The following SORCS3 variants were observed in gnomAD, a reference collection of about 807,000 sequenced individuals.
SORCS3 encodes the protein VPS10 domain-containing receptor SorCS3.
A neutral mutation model predicts 146.3 loss-of-function variants in SORCS3; 57 were observed. The observed-to-expected ratio is 0.39, with a 90% CI of 0.31 to 0.49. The LOEUF (loss-of-function observed/expected upper bound fraction) is 0.49, where lower values mean the gene tolerates loss of function less well. Among genes scored for constraint, SORCS3 ranks in the 20% least tolerant of loss-of-function variants. The pLI is 0.92. For missense variants in SORCS3, 1,341 were observed against 1,575.5 expected (o/e 0.85, Z 2.52); for synonymous variants, 653 against 618.5 (o/e 1.06, Z -0.83).
intron 4 of SORCS3, among the ~76,000 whole-genome samples, chr10:105,014,561 A>G (rs965319136): frequency 2.6e-5 from 4 of 152,194 alleles, no homozygotes; most frequent in Non-Finnish European, 5.9e-5. Context: ...TATTTTGTAT[A>G]AAGAAATATT....
Position 105,061,314 on chromosome 10 carries a change from A to G in SORCS3, c.1028+18186A>G, listed in dbSNP as rs1472976241. On this transcript the variant is annotated intron_variant, in intron 5 of 26. Coordinates refer to ENST00000369701, the MANE Select transcript of SORCS3 (RefSeq NM_014978.3). ...GTGTTCCTTTTTTTTTTTTTTTTTG[A>G]GGTGGAGTCTCGCTCTGTCACCCAG... 6.9e-3 allele frequency among the ~76,000 whole-genome samples: 608 copies of G among 87,940 alleles called. 8 individuals carry two copies. Among genetic ancestry groups the G allele is most frequent in the African/African-American group, 0.024 (557 of 22,790 alleles). The allele number at this position is 87,940 out of a possible 152,430, so 57.7% of individuals were successfully genotyped here. A position where few individuals can be genotyped will look rare whatever the true frequency, so the allele number is the denominator to read the frequency against.
chr10:105,160,188 A>C (rs1185093026), intron 11 of SORCS3, among the ~76,000 whole-genome samples: 1 of 152,198 alleles, frequency 6.6e-6, no homozygotes, highest in Non-Finnish European at 1.5e-5. Context: ...ATAAAAGTTA[A>C]TATTATCTGA....
intron 1 of SORCS3, among the ~76,000 whole-genome samples, chr10:104,685,234 G>A (rs2016030745): frequency 3.3e-5 from 5 of 152,190 alleles, no homozygotes; most frequent in Admixed American, 3.3e-4. Flanking sequence ...CATTGTAGGA[G>A]CACAGAGGAA....
chr10:104,674,490 A>C (rs770795972), intron 1 of SORCS3, among the ~76,000 whole-genome samples: 2 of 152,258 alleles, frequency 1.3e-5, no homozygotes. Context: ...GGCAACAACC[A>C]ATGAAGAATT....
Position 105,200,071 on chromosome 10 carries a change from G to T in SORCS3, c.2082G>T (p.Arg694=), listed in dbSNP as rs755808403. The stretch of plus-strand genomic sequence containing the variant: ...TGGACTACAAATCTATCTTCAGCCG[G>T]CATTGCACCAAGGAGGACTATCAGA... ...VKVDYKSIFS[R]HCTKEDYQTW... is the part of the protein sequence containing the mutation. Residue 694 remains arginine (R), a synonymous_variant, in exon 15 of 27, where the codon CGG becomes CGT. Transcript: ENST00000369701. 1.9e-6 allele frequency: 3 copies of T among 1,613,542 alleles called. No homozygotes were observed. Among genetic ancestry groups the T allele is most frequent in the Admixed American group, 1.7e-5 (1 of 59,968 alleles).
intron 1 of SORCS3, among the ~76,000 whole-genome samples, chr10:104,676,497 G>T (rs1044207771): frequency 1.3e-5 from 2 of 152,234 alleles, no homozygotes; most frequent in African/African-American, 4.8e-5. Flanking sequence ...GAGAGAAAAT[G>T]AGGTAAAGGA....
chr10:104,760,737 A>T (rs2017110623), intron 1 of SORCS3, among the ~76,000 whole-genome samples: 1 of 152,178 alleles, frequency 6.6e-6, no homozygotes, highest in African/African-American at 2.4e-5. Flanking sequence ...GACAGACTGT[A>T]GATAGGAAGG....
chr10:104,955,464 A>C (rs2019479251), intron 3 of SORCS3, among the ~76,000 whole-genome samples: 1 of 152,244 alleles, frequency 6.6e-6, no homozygotes, highest in African/African-American at 2.4e-5. Context: ...CATTTTGTGA[A>C]TAGAGCTGCT....
intron 3 of SORCS3, among the ~76,000 whole-genome samples, chr10:104,921,428 C>A (rs1280613838): frequency 6.6e-6 from 1 of 151,996 alleles, no homozygotes; most frequent in Non-Finnish European, 1.5e-5. Context: ...TGGCAGAGAG[C>A]ACACACTGGT....
chr10:104,692,085 T>C (rs1292496799), intron 1 of SORCS3, among the ~76,000 whole-genome samples: 2 of 152,190 alleles, frequency 1.3e-5, no homozygotes, highest in African/African-American at 2.4e-5. Context: ...CTATAGGCTC[T>C]TGTGGCTGGT....
At position 105,219,959 on chromosome 10, in the gene SORCS3, C is replaced by G. The variant is rs1016321902; in HGVS notation, c.2734+2837C>G. On this transcript the variant is annotated intron_variant, in intron 19 of 26. Coordinates refer to ENST00000369701, the MANE Select transcript of SORCS3 (RefSeq NM_014978.3). ...TGCTTATAATTCCCTCCAAATCAAT[C>G]ATGGCTGCATTTTCCAGATAGTTTT... is the stretch of plus-strand genomic sequence containing the variant. Among the ~76,000 whole-genome samples, 22 of 152,314 alleles carry G rather than the reference C, an allele frequency of 1.4e-4. 1 individual carries two copies. Among genetic ancestry groups the G allele is most frequent in the Admixed American group, 1.4e-3 (22 of 15,298 alleles).
chr10:105,089,958 C>T (rs1045368066), intron 6 of SORCS3, 119 bp downstream of exon 6: 8 of 742,706 alleles, frequency 1.1e-5, no homozygotes, highest in South Asian at 1.6e-5. Flanking sequence ...ATTACAGCCA[C>T]ATCCATCCTT....
intron 2 of SORCS3, among the ~76,000 whole-genome samples, chr10:104,878,407 TTATA>T (rs1228319657): frequency 1.3e-5 from 2 of 152,176 alleles, no homozygotes; most frequent in Non-Finnish European, 2.9e-5. Context: ...GAGAATTTCA[TTATA>T]TAAGCATTTT....
In SORCS3 at chr10:104,641,939, G is replaced by A. The variant is rs775446989; in HGVS notation, c.612G>A (p.Ser204=). The part of the protein sequence containing the change: ...SAHNQAMVHW[S]GHNSSVILIL... Reference sequence around the variant, plus strand: ...ACAACCAAGCCATGGTGCACTGGTCGGGACACAACAGCAGCGTGAGTACCC... The same window carrying A: ...ACAACCAAGCCATGGTGCACTGGTCAGGACACAACAGCAGCGTGAGTACCC... Residue 204 remains serine, a synonymous_variant, in exon 1 of 27, where the codon TCG becomes TCA. Transcript: ENST00000369701. The surrounding 1 kb of genome is among the most constrained non-coding windows in gnomAD (Gnocchi z 6.4). 21 of 1,366,102 alleles carry A rather than the reference G, an allele frequency of 1.5e-5. No individual in the cohort carries two copies. The highest frequency in any genetic ancestry group is 1.9e-5 in the Non-Finnish European group (20 of 1,032,288). 84.6% of individuals were successfully genotyped at this position (1,366,102 alleles called of 1,614,324 possible).
At position 105,223,213 on chromosome 10, in the gene SORCS3, C is replaced by G. The variant is rs771124843; in HGVS notation, c.2832C>G (p.Thr944=). The G allele has an allele frequency of 1.2e-6, 2 of 1,612,388 alleles. No individual in the cohort carries two copies. The highest frequency in any genetic ancestry group is 2.2e-5 in the East Asian group (1 of 44,794). Residue 944 remains threonine (T), a synonymous_variant, in exon 20 of 27, where the codon ACC becomes ACG. Transcript: ENST00000369701. Reference sequence around the variant, plus strand: ...TCGTGTGGCCCAGTCAACTGGGGACCCTTACCTATTTCTGGTGGTTCGGCA... The same window carrying G: ...TCGTGTGGCCCAGTCAACTGGGGACGCTTACCTATTTCTGGTGGTTCGGCA... ...SAVVWPSQLG[T]LTYFWWFGNS... is the part of the protein sequence containing the mutation.
intron 17 of SORCS3, among the ~76,000 whole-genome samples, chr10:105,213,775 A>T: frequency 6.6e-6 from 1 of 152,114 alleles, no homozygotes; most frequent in East Asian, 1.9e-4. Flanking sequence ...ATAATTTTAC[A>T]TAGTGGGATA....
intron 7 of SORCS3, among the ~76,000 whole-genome samples, chr10:105,120,173 C>G (rs2055921643): frequency 6.6e-6 from 1 of 152,112 alleles, no homozygotes; most frequent in Admixed American, 6.5e-5. Context: ...TTTATAGAGG[C>G]TTTTCCTCCT....
intron 7 of SORCS3, among the ~76,000 whole-genome samples, chr10:105,116,662 A>G (rs552887152): frequency 4.0e-5 from 6 of 150,854 alleles, no homozygotes; most frequent in African/African-American, 1.5e-4. Flanking sequence ...AGACTAGATT[A>G]AAAAAAAATG....
intron 22 of SORCS3, 68 bp from the exon 23 acceptor site, chr10:105,252,707 T>C (rs2056908027): frequency 1.2e-6 from 2 of 1,602,356 alleles, no homozygotes; most frequent in South Asian, 1.1e-5. Context: ...GTGCACACTC[T>C]GCTCTTGTCA....
Sources: gnomAD v4.1 joint callset for allele counts (sites outside exome capture counted in the v4.1 genomes callset) on GRCh38, gnomAD v4.1.1 for gene constraint, Gnocchi (gnomAD v3.1) non-coding constraint, MANE v1.5 for transcripts, NCBI Gene and HGNC (gene_info 2026-07-23, HGNC 2026-07-21) for gene names.